PALLD: variants seen among roughly 807,000 people sequenced by gnomAD.
PALLD encodes the protein palladin.
A neutral mutation model predicts 123.5 loss-of-function variants in PALLD; 61 were observed. That is an observed-to-expected ratio of 0.49 (90% CI 0.40 to 0.61). The LOEUF is 0.61. PALLD is among the 20% of genes least tolerant of loss of function. The pLI is 0.00. For missense variants in PALLD, 1,273 were observed against 1,377.0 expected, an observed-to-expected ratio of 0.92 and a Z score of 1.20; for synonymous variants, 465 against 496.4, an observed-to-expected ratio of 0.94 and a Z score of 0.84.
intron 10 of PALLD, among the ~76,000 whole-genome samples, chr4:168,772,363 A>G: frequency 6.6e-6 from 1 of 152,086 alleles, no homozygotes. Context: ...TCTTATTTTC[A>G]TCTTCATTGT....
intron 10 of PALLD, among the ~76,000 whole-genome samples, chr4:168,822,215 A>T (rs939766490): frequency 6.9e-5 from 10 of 145,488 alleles, no homozygotes; most frequent in African/African-American, 2.6e-4. Flanking sequence ...ATAATAATGA[A>T]CCTAGCTTAG....
chr4:168,712,600 C>T (rs988697671), intron 10 of PALLD, among the ~76,000 whole-genome samples: 1 of 152,094 alleles, frequency 6.6e-6, no homozygotes, highest in Non-Finnish European at 1.5e-5. Context: ...ATGAATGGAG[C>T]CATTACAATG....
intron 9 of PALLD, 21 bp from the exon 10 acceptor site, chr4:168,711,560 C>G: frequency 3.2e-6 from 5 of 1,540,938 alleles, no homozygotes; most frequent in Non-Finnish European, 4.5e-6. Context: ...TTATGTTTTT[C>G]CTCTCTTTCC....
At chr4:168,678,515 C>T (rs893780204) in intron 3 of PALLD, among the ~76,000 whole-genome samples, 2 of 152,058 alleles carry the variant, frequency 1.3e-5, no homozygotes, top group Admixed American at 6.5e-5. Context: ...GATAGCGTAT[C>T]AAGAAAAGAT....
intron 8 of PALLD, among the ~76,000 whole-genome samples, chr4:168,702,196 G>T (rs184763407): frequency 6.6e-6 from 1 of 151,836 alleles, no homozygotes; most frequent in Non-Finnish European, 1.5e-5. Flanking sequence ...TAGAAAAAAA[G>T]AACATCAGCT....
intron 10 of PALLD, among the ~76,000 whole-genome samples, chr4:168,780,636 T>A (rs1362377955): frequency 3.9e-5 from 6 of 152,204 alleles, no homozygotes; most frequent in Non-Finnish European, 1.5e-5. Flanking sequence ...TAATGTCAAA[T>A]ATTATATATT....
intron 10 of PALLD, among the ~76,000 whole-genome samples, chr4:168,821,740 C>G (rs1352558180): frequency 2.6e-5 from 4 of 151,876 alleles, no homozygotes; most frequent in Non-Finnish European, 5.9e-5. Flanking sequence ...ACTAGCCGGG[C>G]ATGGTGGCGC....
At chr4:168,698,002 TGTG>T (rs572775116) in intron 8 of PALLD, among the ~76,000 whole-genome samples, 49 of 152,272 alleles carry the variant, frequency 3.2e-4, no homozygotes, top group African/African-American at 1.1e-3. Context: ...CTAAAGGAAA[TGTG>T]GTACATATAC....
chr4:168,785,769 C>T (rs1736622758), intron 10 of PALLD, among the ~76,000 whole-genome samples: 2 of 148,258 alleles, frequency 1.3e-5, no homozygotes, highest in Non-Finnish European at 3.0e-5. Flanking sequence ...CAAAGGAAGA[C>T]AGTGACATAA....
intron 2 of PALLD, among the ~76,000 whole-genome samples, chr4:168,605,376 A>G (rs570226699): frequency 6.6e-6 from 1 of 152,322 alleles, no homozygotes; most frequent in African/African-American, 2.4e-5. Context: ...AAAGCCTCCA[A>G]AAACTGCTGT....
intron 2 of PALLD, among the ~76,000 whole-genome samples, chr4:168,597,551 T>C (rs1772119798): frequency 2.0e-5 from 3 of 152,124 alleles, no homozygotes; most frequent in Admixed American, 2.0e-4. Flanking sequence ...TCCCTATATT[T>C]TTGATACATT....
rs1581730666 is a variant in PALLD, at chr4:168,844,256, C to T, written c.1965-46666C>T. The T allele has an allele frequency of 6.6e-6, 1 of 152,314 alleles. No homozygotes were observed. The highest frequency in any genetic ancestry group is 1.9e-4 in the East Asian group (1 of 5,184). The allele number at this position is 152,314 out of a possible 1,614,324, so 9.4% of individuals were successfully genotyped here. ...AGTGTGCCTAGAAATAAAGACCACC[C>T]TTGACTGGGCTTTTTCTACCCAAGT... On this transcript the variant is annotated intron_variant, in intron 10 of 21. Transcript: ENST00000505667. This position sits in a 1 kb window ranked among gnomAD's most constrained non-coding sequence, Gnocchi z 4.5.
rs1296994692 is a variant in PALLD at position 168,544,069 on chromosome 4, A to C, written c.908+31657A>C. On this transcript the variant is annotated intron_variant, in intron 2 of 21. Coordinates refer to ENST00000505667, the MANE Select transcript of PALLD (RefSeq NM_001166108.2). ...TTTCTTGACTTAATTCTACAAGGCA[A>C]ATATCACATAATCTGCTATGCCAAA... Among the ~76,000 whole-genome samples the C allele has an allele frequency of 3.3e-5, 5 of 152,254 alleles. No homozygotes were observed. The East Asian group carries it at 9.6e-4, about 29-fold the overall frequency.
At chr4:168,502,149 T>C (rs1447539988) in intron 1 of PALLD, among the ~76,000 whole-genome samples, 1 of 152,018 alleles carries the variant, frequency 6.6e-6, no homozygotes, top group Non-Finnish European at 1.5e-5. Context: ...GCTGACTGAA[T>C]AAAACAATGA....
At chr4:168,666,561 A>C (rs1439278545) in intron 2 of PALLD, among the ~76,000 whole-genome samples, 1 of 152,214 alleles carries the variant, frequency 6.6e-6, no homozygotes, top group African/African-American at 2.4e-5. Context: ...GTAGGCAGGT[A>C]ATATTTGAGG....
intron 3 of PALLD, among the ~76,000 whole-genome samples, chr4:168,677,663 A>G (rs141301447): frequency 2.6e-5 from 4 of 152,074 alleles, no homozygotes; most frequent in African/African-American, 9.6e-5. Flanking sequence ...TTCCAGTAAA[A>G]TGGTCTCCCG....
At chr4:168,802,895 T>C (rs1256042533) in intron 10 of PALLD, among the ~76,000 whole-genome samples, 1 of 152,170 alleles carries the variant, frequency 6.6e-6, no homozygotes, top group African/African-American at 2.4e-5. Context: ...TTTCTCCATG[T>C]TGCTGAGGCT....
At chr4:168,524,938 T>C (rs1357005830) in intron 2 of PALLD, among the ~76,000 whole-genome samples, 1 of 152,138 alleles carries the variant, frequency 6.6e-6, no homozygotes, top group African/African-American at 2.4e-5. Flanking sequence ...CTACAGTGCC[T>C]CCTCTATCAA....
chr4:168,836,797 T>A (rs1745263859), intron 10 of PALLD, among the ~76,000 whole-genome samples: 1 of 152,212 alleles, frequency 6.6e-6, no homozygotes, highest in Admixed American at 6.5e-5. Context: ...AACTCATTGC[T>A]GGGAACCCTG....
Sources: allele counts gnomAD v4.1 joint callset (sites outside exome capture counted in the v4.1 genomes callset), GRCh38; gene constraint gnomAD v4.1.1; non-coding constraint Gnocchi (gnomAD v3.1); transcripts MANE v1.5; gene names NCBI Gene and HGNC (gene_info 2026-07-23, HGNC 2026-07-21).